TRIM49: variants seen among roughly 807,000 people sequenced by gnomAD.
The protein encoded by TRIM49 is tripartite motif-containing protein 49.
A neutral mutation model predicts 27.4 loss-of-function variants in TRIM49; 5 were observed. That is an observed-to-expected ratio of 0.18 (90% CI 0.10 to 0.38). The LOEUF is 0.38. TRIM49 is among the 10% of genes least tolerant of loss of function. The pLI, the probability that TRIM49 is intolerant of heterozygous loss-of-function variation, is 1.00. For synonymous variants in TRIM49, 69 were observed against 166.0 expected, an observed-to-expected ratio of 0.42 and a Z score of 4.49; for missense variants, 188 against 487.5, an observed-to-expected ratio of 0.39 and a Z score of 5.79.
chr11:89,780,145 C>A, the TRIM49 span, among the ~76,000 whole-genome samples: 1 of 107,932 alleles, frequency 9.3e-6, no homozygotes, highest in Non-Finnish European at 2.1e-5. Context: ...ATCAATGACC[C>A]GGGCCTCCTC....
At chr11:89,787,149 A>G in the TRIM49 span, 4 of 197,852 alleles carry the variant, frequency 2.0e-5, 1 homozygote, top group African/African-American at 8.1e-5. Flanking sequence ...CAGAAGCCCG[A>G]GGGCTCCAAA....
chr11:89,769,075 G>C, the TRIM49 span, among the ~76,000 whole-genome samples: 4 of 133,858 alleles, frequency 3.0e-5, 1 homozygote, highest in Non-Finnish European at 6.1e-5. Flanking sequence ...CCAGCTACTA[G>C]GGAGGATGAG....
intron 2 of TRIM49, among the ~76,000 whole-genome samples, chr11:89,805,723 G>T (rs117205938): frequency 6.1e-4 from 85 of 139,608 alleles, no homozygotes; most frequent in Non-Finnish European, 8.3e-4. Context: ...GTTTTTTTTT[G>T]TTTTTTTTTT....
chr11:89,803,543 T>C (rs1764395577), intron 4 of TRIM49, 155 bp downstream of exon 4: 2 of 1,426,296 alleles, frequency 1.4e-6, no homozygotes, highest in Admixed American at 4.9e-5. Context: ...CTATTCTATA[T>C]AAAAATGAGG....
the TRIM49 span, chr11:89,786,561 G>T: frequency 7.1e-6 from 1 of 141,270 alleles, no homozygotes; most frequent in African/African-American, 3.0e-5. Flanking sequence ...CTTTGAATAG[G>T]CCTGGGGTGG....
the TRIM49 span, among the ~76,000 whole-genome samples, chr11:89,773,433 AG>A: frequency 6.0e-5 from 7 of 117,352 alleles, no homozygotes; most frequent in Non-Finnish European, 1.2e-4. Context: ...TAAGAAAATC[AG>A]GCTGATACAA....
chr11:89,791,125 C>T, the TRIM49 span, among the ~76,000 whole-genome samples: 11 of 150,834 alleles, frequency 7.3e-5, no homozygotes, highest in Non-Finnish European at 1.3e-4. Context: ...CTGATTCGAT[C>T]AACTGGAAGA....
chr11:89,783,082 G>T, the TRIM49 span, among the ~76,000 whole-genome samples: 95 of 135,834 alleles, frequency 7.0e-4, no homozygotes, highest in African/African-American at 1.8e-3. Flanking sequence ...GTTATTAATC[G>T]CATTTCAGCT....
At chr11:89,776,719 A>C in the TRIM49 span, among the ~76,000 whole-genome samples, 1 of 152,104 alleles carries the variant, frequency 6.6e-6, no homozygotes, top group Non-Finnish European at 1.5e-5. Flanking sequence ...GTTTACTAAT[A>C]AGAGACTTGA....
chr11:89,766,636 A>G, the TRIM49 span: 1 of 1,290,458 alleles, frequency 7.7e-7, no homozygotes, highest in Non-Finnish European at 1.1e-6. Context: ...GGAAAATTTA[A>G]GGAGCCAGCT....
chr11:89,804,349 G>T lies in TRIM49; in HGVS notation c.121C>A (p.Leu41Ile). Residue 41 changes from leucine (L) to isoleucine (I), a missense_variant, in exon 3 of 8, where the codon CTC becomes ATC. This residue lies in a region of TRIM49 where 37 missense variants were observed against 52.4 expected (regional missense o/e 0.71). Coordinates refer to ENST00000329758, the MANE Select transcript of TRIM49 (RefSeq NM_020358.2). The part of the protein sequence containing the change: ...GHSFCRPCFY[L>I]NWQDIPFLVQ... ...AGAAATGGGATGTCTTGCCAGTTGA[G>T]GTAGAAACAAGGCCTGCAAAAGCTG... The T allele has an allele frequency of 6.2e-7, 1 of 1,611,390 alleles. No homozygotes were observed. Among genetic ancestry groups the T allele is most frequent in the East Asian group, 2.2e-5 (1 of 44,798 alleles).
chr11:89,783,600 T>G, the TRIM49 span, among the ~76,000 whole-genome samples: 2 of 132,510 alleles, frequency 1.5e-5, 1 homozygote, highest in African/African-American at 6.3e-5. Flanking sequence ...CTTAGAATAG[T>G]GGAGACTGGC....
At chr11:89,769,013 T>C in the TRIM49 span, among the ~76,000 whole-genome samples, 1 of 136,078 alleles carries the variant, frequency 7.3e-6, no homozygotes, top group South Asian at 2.3e-4. Flanking sequence ...TCCCCATCCC[T>C]ACTAAAAAAT....
the TRIM49 span, among the ~76,000 whole-genome samples, chr11:89,772,157 TTTTCCA>T: frequency 7.3e-6 from 1 of 137,298 alleles, no homozygotes; most frequent in Non-Finnish European, 1.5e-5. Context: ...TTATATTTAG[TTTTCCA>T]TTAATGAATA....
the TRIM49 span, chr11:89,768,839 G>GGAGAGA: frequency 1.4e-4 from 67 of 477,366 alleles, 7 homozygotes; most frequent in Middle Eastern, 2.2e-3. Context: ...CCCAAATCCT[G>GGAGAGA]GAGAGAGAGA....
At chr11:89,796,340 G>C (rs371429972), downstream of TRIM49, among the ~76,000 whole-genome samples, 2 of 148,840 alleles carry the variant, frequency 1.3e-5, no homozygotes, top group Non-Finnish European at 3.0e-5. Flanking sequence ...ACGAGCCATC[G>C]TGCTGCATCA....
the TRIM49 span, chr11:89,777,059 C>A: frequency 6.5e-7 from 1 of 1,549,848 alleles, no homozygotes; most frequent in South Asian, 1.2e-5. Flanking sequence ...AGACCGGTCA[C>A]CATTGACTGT....
chr11:89,800,671 A>AGGC (rs1229396375), intron 6 of TRIM49, among the ~76,000 whole-genome samples: 1 of 150,126 alleles, frequency 6.7e-6, no homozygotes, highest in Admixed American at 6.6e-5. Flanking sequence ...TGAACCCGGG[A>AGGC]GGCGGAGCTT....
chr11:89,770,220 A>G, the TRIM49 span, among the ~76,000 whole-genome samples: 53 of 121,578 alleles, frequency 4.4e-4, no homozygotes, highest in African/African-American at 2.3e-3. Flanking sequence ...ATTTTGATTC[A>G]TTTCACACGG....
Sources: gnomAD v4.1 joint callset for allele counts (sites outside exome capture counted in the v4.1 genomes callset) on GRCh38, gnomAD v4.1.1 for gene constraint, gnomAD v4.1.1 regional missense constraint, MANE v1.5 for transcripts, NCBI Gene and HGNC (gene_info 2026-07-23, HGNC 2026-07-21) for gene names.